Variants in SEMA3E observed in about 807,000 individuals in gnomAD.
SEMA3E encodes semaphorin 3E.
In SEMA3E, 49 loss-of-function variants were observed where a neutral mutation model predicts 93.6. That is an observed-to-expected ratio of 0.52 (90% CI 0.42 to 0.66). The LOEUF is 0.66. Ranked by LOEUF, SEMA3E falls within the 30% of genes least tolerant of loss-of-function variation. The pLI, the probability that SEMA3E is intolerant of heterozygous loss-of-function variation, is 0.00. For missense variants in SEMA3E, 906 were observed against 964.8 expected, an observed-to-expected ratio of 0.94 and a Z score of 0.81; for synonymous variants, 363 against 330.7, an observed-to-expected ratio of 1.10 and a Z score of -1.06.
intron 1 of SEMA3E, among the ~76,000 whole-genome samples, chr7:83,604,059 C>G (rs1320192197): frequency 1.3e-5 from 2 of 152,098 alleles, no homozygotes; most frequent in Admixed American, 1.3e-4. Context: ...GCATGGTTCT[C>G]TTAATGAACT....
intron 1 of SEMA3E, among the ~76,000 whole-genome samples, chr7:83,627,468 A>T (rs961221203): frequency 6.6e-6 from 1 of 151,646 alleles, no homozygotes; most frequent in Non-Finnish European, 1.5e-5. Context: ...TAGGATAGTT[A>T]GCGAATCTGG....
chr7:83,605,129 T>C (rs1234842837), intron 1 of SEMA3E, among the ~76,000 whole-genome samples: 2 of 152,194 alleles, frequency 1.3e-5, no homozygotes, highest in Admixed American at 6.5e-5. Context: ...TGATTTAAAA[T>C]CCTTTGGGTA....
At chr7:83,538,406 A>G (rs1396361159) in intron 1 of SEMA3E, among the ~76,000 whole-genome samples, 1 of 152,038 alleles carries the variant, frequency 6.6e-6, no homozygotes, top group Non-Finnish European at 1.5e-5. Flanking sequence ...ATCTTATTAT[A>G]GTTTTGATTT....
chr7:83,563,186 C>A (rs989772715), intron 1 of SEMA3E, among the ~76,000 whole-genome samples: 1 of 152,134 alleles, frequency 6.6e-6, no homozygotes, highest in East Asian at 1.9e-4. Context: ...ACAGATACAG[C>A]GTTGATCAAC....
intron 4 of SEMA3E, among the ~76,000 whole-genome samples, chr7:83,426,710 A>T (rs1788776159): frequency 1.3e-5 from 2 of 152,208 alleles, no homozygotes. Context: ...ACGTTGTTGC[A>T]GATAGGTAGG....
chr7:83,392,322 T>A (rs558177200), intron 14 of SEMA3E, among the ~76,000 whole-genome samples: 1 of 152,074 alleles, frequency 6.6e-6, no homozygotes, highest in Non-Finnish European at 1.5e-5. Context: ...CGTTTCCACA[T>A]TTTAACTTTA....
chr7:83,514,751 A>G (rs1459332587), intron 1 of SEMA3E, among the ~76,000 whole-genome samples: 3 of 152,174 alleles, frequency 2.0e-5, no homozygotes, highest in Non-Finnish European at 2.9e-5. Flanking sequence ...AGTTAGAGGT[A>G]CATGGCCATT....
intron 1 of SEMA3E, among the ~76,000 whole-genome samples, chr7:83,616,015 A>C (rs1270227364): frequency 6.6e-6 from 1 of 152,048 alleles, no homozygotes; most frequent in Non-Finnish European, 1.5e-5. Flanking sequence ...AACATTGGTA[A>C]ATTGTGGTGG....
intron 1 of SEMA3E, among the ~76,000 whole-genome samples, chr7:83,542,188 TAA>T (rs77120726): frequency 0.035 from 5,130 of 144,800 alleles, 129 homozygotes; most frequent in African/African-American, 0.076. Context: ...ATAAAAAAGT[TAA>T]AAAAAAAAAA....
intron 2 of SEMA3E, among the ~76,000 whole-genome samples, chr7:83,484,609 T>G (rs2115955504): frequency 6.6e-6 from 1 of 152,284 alleles, no homozygotes; most frequent in South Asian, 2.1e-4. Flanking sequence ...TGCTATCTTC[T>G]TAAATATCAC....
chr7:83,425,638 C>T (rs949221729), intron 4 of SEMA3E, among the ~76,000 whole-genome samples: 1 of 152,156 alleles, frequency 6.6e-6, no homozygotes, highest in Non-Finnish European at 1.5e-5. Context: ...TAATTATTCA[C>T]ATTTTTATCT....
intron 1 of SEMA3E, among the ~76,000 whole-genome samples, chr7:83,499,334 C>T (rs949205474): frequency 3.3e-5 from 5 of 152,120 alleles, no homozygotes; most frequent in African/African-American, 4.8e-5. Context: ...CTTTAAAATT[C>T]CCTGACTATA....
In SEMA3E at chr7:83,441,185, C is replaced by T. The variant is rs1419546733; in HGVS notation, c.457-22702G>A. Among the ~76,000 whole-genome samples the T allele has an allele frequency of 2.6e-5, 4 of 152,036 alleles. No individual in the cohort carries two copies. The South Asian group carries it at 6.2e-4, about 24-fold the overall frequency. Reference sequence around the variant, plus strand: ...TAGAAAAACAGTTTATGGATACAGCCAAAAGGATTCTGCTACTGATTCAAC... The same window carrying T: ...TAGAAAAACAGTTTATGGATACAGCTAAAAGGATTCTGCTACTGATTCAAC... On this transcript the variant is annotated intron_variant, in intron 4 of 16. Coordinates refer to ENST00000643230, the MANE Select transcript of SEMA3E (RefSeq NM_012431.3).
chr7:83,547,652 A>C (rs754592807), intron 1 of SEMA3E, among the ~76,000 whole-genome samples: 2 of 152,118 alleles, frequency 1.3e-5, no homozygotes, highest in Non-Finnish European at 2.9e-5. Flanking sequence ...ATCATGTCTA[A>C]AGATTTATGT....
At chr7:83,433,019 T>C (rs1322637690) in intron 4 of SEMA3E, among the ~76,000 whole-genome samples, 3 of 152,076 alleles carry the variant, frequency 2.0e-5, no homozygotes, top group Admixed American at 1.3e-4. Context: ...TTGATATCTT[T>C]CTGAGTGTTT....
intron 4 of SEMA3E, among the ~76,000 whole-genome samples, chr7:83,424,051 C>A (rs2115717496): frequency 6.6e-6 from 1 of 152,072 alleles, no homozygotes; most frequent in African/African-American, 2.4e-5. Context: ...AGAAAAGTAC[C>A]ATTCTCTTTA....
chr7:83,417,652 T>C (rs920444994), intron 5 of SEMA3E, among the ~76,000 whole-genome samples: 2 of 152,118 alleles, frequency 1.3e-5, no homozygotes, highest in African/African-American at 4.8e-5. Flanking sequence ...CTCTTTTTAA[T>C]TGAAGGCTTA....
At chr7:83,550,345 G>T (rs1791739307) in intron 1 of SEMA3E, among the ~76,000 whole-genome samples, 1 of 152,034 alleles carries the variant, frequency 6.6e-6, no homozygotes, top group African/African-American at 2.4e-5. Flanking sequence ...GAATTCCTGT[G>T]CATGTGTGTG....
At chr7:83,453,932 T>C (rs1209208661) in intron 4 of SEMA3E, among the ~76,000 whole-genome samples, 2 of 83,036 alleles carry the variant, frequency 2.4e-5, no homozygotes, top group Non-Finnish European at 6.0e-5. Context: ...TTAAAATGGT[T>C]ATCTTTAATA....
Sources: gnomAD v4.1 joint callset for allele counts (sites outside exome capture counted in the v4.1 genomes callset) on GRCh38, gnomAD v4.1.1 for gene constraint, MANE v1.5 for transcripts, NCBI Gene and HGNC (gene_info 2026-07-23, HGNC 2026-07-21) for gene names.